Variants in NEB observed in about 807,000 individuals in gnomAD.
NEB encodes nemaline myopathy type 2.
Under a neutral mutation model 952.2 loss-of-function variants are expected in NEB, and 512 were observed. The ratio of observed to expected loss-of-function variants is 0.54; its 90% CI spans 0.50 to 0.58. The LOEUF (loss-of-function observed/expected upper bound fraction) is 0.58, where lower values mean the gene tolerates loss of function less well. Ranked by LOEUF, NEB falls within the 20% of genes least tolerant of loss-of-function variation. The pLI, the probability that NEB is intolerant of heterozygous loss-of-function variation, is 0.00. For synonymous variants in NEB, 2,900 were observed against 3,149.8 expected (o/e 0.92, Z 2.66); for missense variants, 8,428 against 9,231.1 (o/e 0.91, Z 3.56).
intron 125 of NEB, among the ~76,000 whole-genome samples, 183 bp from the exon 126 acceptor site, chr2:151,554,208 C>T (rs1186306292): frequency 6.6e-6 from 1 of 152,114 alleles, no homozygotes; most frequent in African/African-American, 2.4e-5. Context: ...AGCATTATAG[C>T]TGAAATAATA....
intron 13 of NEB, among the ~76,000 whole-genome samples, chr2:151,706,280 A>C (rs913326483): frequency 8.5e-5 from 13 of 152,194 alleles, no homozygotes; most frequent in Non-Finnish European, 1.8e-4. Flanking sequence ...CACAAATGCT[A>C]GGAAAGCTTA....
At chr2:151,717,909 A>G (rs1421512828) in intron 9 of NEB, among the ~76,000 whole-genome samples, 1 of 143,222 alleles carries the variant, frequency 7.0e-6, no homozygotes, top group Admixed American at 7.5e-5. Flanking sequence ...GCTGGAATGC[A>G]GTAGCGCGAT....
intron 106 of NEB, 109 bp from the exon 107 acceptor site, chr2:151,575,908 T>C: frequency 1.2e-6 from 1 of 859,398 alleles, no homozygotes; most frequent in Non-Finnish European, 1.9e-6. Flanking sequence ...CCCTTTCATG[T>C]TAGGGCAAAG....
At chr2:151,594,434 A>G in intron 92 of NEB, 116 bp from the exon 93 acceptor site, 1 of 1,311,136 alleles carries the variant, frequency 7.6e-7, no homozygotes. Context: ...TTGGCTCAAC[A>G]TTGGCAGTCA....
chr2:151,662,207 A>C lies in NEB; in HGVS notation c.5898T>G (p.Thr1966=). 3 of 1,613,630 alleles carry C rather than the reference A, an allele frequency of 1.9e-6. No homozygotes were observed. The highest frequency in any genetic ancestry group is 2.5e-6 in the Non-Finnish European group (3 of 1,179,680). The part of the protein sequence containing the change: ...SEKKYRQHPD[T]LKYSTLMDSM... ...AGTCCATGAGTGTGGAATACTTCAA[A>C]GTGTCTGGGTGCTGGCGGTACTTCT... Residue 1966 remains threonine (T), a synonymous_variant, in exon 46 of 182, where the codon ACT becomes ACG. Transcript: ENST00000397345.
chr2:151,577,403 A>G (rs2096912910), intron 105 of NEB, among the ~76,000 whole-genome samples: 1 of 152,102 alleles, frequency 6.6e-6, no homozygotes, highest in African/African-American at 2.4e-5. Flanking sequence ...ATGTCCTCCT[A>G]ACCAACCCAA....
At chr2:151,537,091 A>G in intron 141 of NEB, 41 bp downstream of exon 141, 1 of 1,236,714 alleles carries the variant, frequency 8.1e-7, no homozygotes, top group South Asian at 1.2e-5. Context: ...GTACAGGTAT[A>G]TGTCGAATGG....
rs773309817 is a variant in NEB at position 151,709,675 on chromosome 2, G to A, written c.1016C>T (p.Ala339Val). The change falls in exon 12 of 182, where the codon GCT becomes GTT. Residue 339 changes from alanine to valine, a missense_variant. By Grantham distance (64) the Ala-to-Val change is moderately conservative (BLOSUM62 0). Transcript: ENST00000397345. ...TCATACCTTGCTAGCTGCCACACCA[G>A]CTTTTTTATTCATTTTATACTCTGG... ...ETPEYKMNKK[A>V]GVAASKVKYK... The A allele has an allele frequency of 2.5e-6, 4 of 1,598,406 alleles. No individual in the cohort carries two copies. Among genetic ancestry groups the A allele is most frequent in the South Asian group, 1.1e-5 (1 of 88,358 alleles).
chr2:151,530,742 C>A, intron 145 of NEB: 2 of 367,992 alleles, frequency 5.4e-6, no homozygotes, highest in South Asian at 1.5e-4. Flanking sequence ...CAATGGCTAG[C>A]CATGGGAGTG....
intron 40 of NEB, 53 bp downstream of exon 40, chr2:151,667,751 G>T: frequency 1.4e-6 from 2 of 1,440,580 alleles, no homozygotes; most frequent in Non-Finnish European, 1.9e-6. Context: ...GGCTGGTCTT[G>T]AACTCCTGAA....
In NEB at chr2:151,665,323, G is replaced by A; in HGVS notation, c.5238+10C>T. Reference sequence around the variant, plus strand: ...GGTTCCCTGGGCGAGGCTGGCAGGTGAGTCCTTACCTTGTCCATGTTCAGT... The same window carrying A: ...GGTTCCCTGGGCGAGGCTGGCAGGTAAGTCCTTACCTTGTCCATGTTCAGT... On this transcript the variant is annotated intron_variant, in intron 42 of 181. Coordinates refer to ENST00000397345, the MANE Select transcript of NEB (RefSeq NM_001164508.2). The A allele has an allele frequency of 6.2e-7, 1 of 1,612,874 alleles. No individual in the cohort carries two copies. The highest frequency in any genetic ancestry group is 8.5e-7 in the Non-Finnish European group (1 of 1,179,270).
intron 153 of NEB, among the ~76,000 whole-genome samples, chr2:151,520,222 G>T (rs1323028853): frequency 6.6e-6 from 1 of 152,050 alleles, no homozygotes; most frequent in Admixed American, 6.5e-5. Flanking sequence ...TAAATTAGGA[G>T]AATTTATTGT....
chr2:151,710,661 T>A, intron 10 of NEB, 123 bp from the exon 11 acceptor site: 1 of 547,480 alleles, frequency 1.8e-6, no homozygotes, highest in Non-Finnish European at 3.1e-6. Context: ...AGGTCCTTAA[T>A]AAATGCCTTT....
Position 151,640,707 on chromosome 2 carries a change from T to C in NEB, c.8374-41A>G, listed in dbSNP as rs569538452. On this transcript the variant is annotated intron_variant, in intron 60 of 181. Coordinates refer to ENST00000397345, the MANE Select transcript of NEB (RefSeq NM_001164508.2). ...GACAGATAGTCATCTGTTTTAACTT[T>C]TAGTAAAAAGCAATCACTAAGCCTA... 2.7e-5 allele frequency: 42 copies of C among 1,564,522 alleles called. No individual in the cohort carries two copies. In the East Asian group the frequency reaches 9.5e-4, roughly 35 times the overall value.
chr2:151,549,690 T>C lies in NEB; in HGVS notation c.19995A>G (p.Pro6665=), dbSNP rs1366495016. ...TGTGTTTGAAGTGAGGAGTGTCACC[T>C]GGAAGTCTATATCCAGTGGGCAGGG... ...LRTLPTGYRL[P]GDTPHFKHIK... Residue 6665 remains proline (P), a synonymous_variant, in exon 130 of 182, where the codon CCA becomes CCG. Coordinates refer to ENST00000397345, the MANE Select transcript of NEB (RefSeq NM_001164508.2). The C allele has an allele frequency of 1.2e-6, 2 of 1,600,922 alleles. No homozygotes were observed. The highest frequency in any genetic ancestry group is 1.7e-6 in the Non-Finnish European group (2 of 1,173,302).
At chr2:151,494,639 TTTTG>T in intron 173 of NEB, among the ~76,000 whole-genome samples, 1 of 151,822 alleles carries the variant, frequency 6.6e-6, no homozygotes. Context: ...GTTTGTTTTT[TTTTG>T]TTTTGTTTTG....
rs775161722 is a variant in NEB, at chr2:151,540,796, C to G, written c.20688G>C (p.Leu6896=). ...TCTCTTTGGTGGCAAGTTCAACATA[C>G]AGATACTGAATAATAGAAGAAAGTG... ...KRGQKLQSQY[L]YVELATKERP... Residue 6896 remains leucine, a synonymous_variant, in exon 137 of 182, where the codon CTG becomes CTC. Transcript: ENST00000397345. The G allele has an allele frequency of 2.5e-6, 4 of 1,610,874 alleles. No homozygotes were observed. Among genetic ancestry groups the G allele is most frequent in the African/African-American group, 1.3e-5 (1 of 74,916 alleles).
At chr2:151,498,903 A>ACTT (rs1271456410) in intron 169 of NEB, among the ~76,000 whole-genome samples, 2 of 151,426 alleles carry the variant, frequency 1.3e-5, no homozygotes, top group Non-Finnish European at 2.9e-5. Context: ...AAAAAAAGAA[A>ACTT]CTTCAAAATA....
chr2:151,656,492 A>G (rs190594778), intron 48 of NEB, 28 bp from the exon 49 acceptor site: 1 of 1,422,800 alleles, frequency 7.0e-7, no homozygotes, highest in East Asian at 2.4e-5. Context: ...GTTTTTACAC[A>G]GAGCAATTCC....
Sources: allele counts gnomAD v4.1 joint callset (sites outside exome capture counted in the v4.1 genomes callset), GRCh38; gene constraint gnomAD v4.1.1; transcripts MANE v1.5; gene names NCBI Gene and HGNC (gene_info 2026-07-23, HGNC 2026-07-21).